Variants in WASF2 observed in about 807,000 individuals in gnomAD.
The protein encoded by WASF2 is WASP family member 2.
WASF2 carries 14 observed loss-of-function variants against 45.0 expected under a neutral mutation model. That is an observed-to-expected ratio of 0.31 (90% CI 0.21 to 0.49). The LOEUF is 0.49. Ranked by LOEUF, WASF2 falls within the 20% of genes least tolerant of loss-of-function variation. The probability of loss-of-function intolerance (pLI) is 0.99; values close to 1 mark genes in which losing one functional copy is unlikely to be tolerated. For missense variants in WASF2, 439 were observed against 636.1 expected (o/e 0.69, Z 3.33); for synonymous variants, 200 against 236.3 (o/e 0.85, Z 1.41).
chr1:27,466,127 A>G (rs1418066449), intron 1 of WASF2, among the ~76,000 whole-genome samples: 1 of 152,200 alleles, frequency 6.6e-6, no homozygotes, highest in African/African-American at 2.4e-5. Context: ...AAAACTAGTA[A>G]ATGAAAGAAT....
chr1:27,489,648 T>A (rs957838824), intron 1 of WASF2, among the ~76,000 whole-genome samples: 4 of 152,202 alleles, frequency 2.6e-5, no homozygotes, highest in African/African-American at 7.2e-5. Flanking sequence ...ACCCTCGTTT[T>A]ACACAGGGGG....
intron 1 of WASF2, among the ~76,000 whole-genome samples, chr1:27,478,362 G>A (rs185423816): frequency 1.7e-4 from 25 of 149,984 alleles, no homozygotes; most frequent in African/African-American, 5.4e-4. Flanking sequence ...ATGCATCAAA[G>A]GACTTGGGTT....
chr1:27,439,643 A>G (rs1281717722), intron 1 of WASF2, among the ~76,000 whole-genome samples: 2 of 152,218 alleles, frequency 1.3e-5, no homozygotes, highest in Admixed American at 6.5e-5. Context: ...AATTATGACA[A>G]TAGAAAGGAT....
At chr1:27,460,737 T>C (rs2017532727) in intron 1 of WASF2, among the ~76,000 whole-genome samples, 1 of 152,212 alleles carries the variant, frequency 6.6e-6, no homozygotes, top group Non-Finnish European at 1.5e-5. Context: ...TATCTAACAC[T>C]GTGAATAGAG....
chr1:27,410,638 C>G lies in WASF2; in HGVS notation c.825-432G>C, dbSNP rs1417522910. Among the ~76,000 whole-genome samples, 1 of 152,174 alleles carries G rather than the reference C, an allele frequency of 6.6e-6. No homozygotes were observed. The highest frequency in any genetic ancestry group is 1.9e-4 in the East Asian group (1 of 5,200). On this transcript the variant is annotated intron_variant, in intron 7 of 8. Coordinates refer to ENST00000618852, the MANE Select transcript of WASF2 (RefSeq NM_006990.5). The surrounding 1 kb of genome is among the most constrained non-coding windows in gnomAD (Gnocchi z 4.2). ...GCAAGAAAGAACTGGAATAAAAATT[C>G]AAACACCACCCACACACTAGGCTCT...
chr1:27,482,849 C>T (rs549424381), intron 1 of WASF2, among the ~76,000 whole-genome samples: 69 of 152,226 alleles, frequency 4.5e-4, no homozygotes, highest in African/African-American at 1.7e-3. Context: ...CCACTCCTAC[C>T]CCTATTGATA....
chr1:27,462,343 A>G (rs1385663655), intron 1 of WASF2, among the ~76,000 whole-genome samples: 1 of 152,146 alleles, frequency 6.6e-6, no homozygotes. Flanking sequence ...AAATACTTCA[A>G]TGGGTTATTT....
At chr1:27,441,858 G>A (rs921627805) in intron 1 of WASF2, among the ~76,000 whole-genome samples, 53 of 151,204 alleles carry the variant, frequency 3.5e-4, no homozygotes, top group Admixed American at 7.9e-4. Context: ...TCTGGGAGGC[G>A]GAGGTTGCAG....
intron 1 of WASF2, among the ~76,000 whole-genome samples, chr1:27,477,128 G>A (rs552121417): frequency 6.6e-6 from 1 of 152,324 alleles, no homozygotes; most frequent in South Asian, 2.1e-4. Flanking sequence ...ACCTAGAATA[G>A]AATGTGTAGT....
chr1:27,436,925 C>T (rs376507248), intron 1 of WASF2, among the ~76,000 whole-genome samples: 2 of 152,316 alleles, frequency 1.3e-5, no homozygotes, highest in East Asian at 3.9e-4. Flanking sequence ...AGGAATGACA[C>T]ACCAATTTTG....
At chr1:27,478,319 A>T (rs1234057279) in intron 1 of WASF2, among the ~76,000 whole-genome samples, 1 of 151,934 alleles carries the variant, frequency 6.6e-6, no homozygotes, top group Non-Finnish European at 1.5e-5. Context: ...TAAGCAAATT[A>T]GTAGCTGTGG....
At chr1:27,455,291 A>G (rs1349720324) in intron 1 of WASF2, among the ~76,000 whole-genome samples, 7 of 152,110 alleles carry the variant, frequency 4.6e-5, no homozygotes, top group Non-Finnish European at 1.0e-4. Flanking sequence ...TCTCTCCATG[A>G]AAGTCTGGAA....
rs1287698055 is a variant in WASF2 at position 27,406,274 on chromosome 1, G to A, written c.*1915C>T. 2.0e-5 allele frequency: 3 copies of A among 152,548 alleles called. No homozygotes were observed. Among genetic ancestry groups the A allele is most frequent in the African/African-American group, 7.2e-5 (3 of 41,456 alleles). The allele number at this position is 152,548 out of a possible 1,614,324, so 9.4% of individuals were successfully genotyped here. On this transcript the variant is annotated 3_prime_UTR_variant, in exon 9 of 9. Coordinates refer to ENST00000618852, the MANE Select transcript of WASF2 (RefSeq NM_006990.5). ...GCCTGGTGTCTCAGCATGGAGCTTAGTGCCAAGTCCTGTGCCAGAGACACC... is the reference window on the plus strand; with the variant it reads ...GCCTGGTGTCTCAGCATGGAGCTTAATGCCAAGTCCTGTGCCAGAGACACC...
intron 1 of WASF2, among the ~76,000 whole-genome samples, chr1:27,473,625 A>C (rs888316052): frequency 6.6e-6 from 1 of 152,164 alleles, no homozygotes; most frequent in South Asian, 2.1e-4. Flanking sequence ...ATGTATAACA[A>C]AACCAATTTT....
intron 1 of WASF2, among the ~76,000 whole-genome samples, chr1:27,463,640 A>G (rs941535589): frequency 1.3e-5 from 2 of 150,450 alleles, no homozygotes; most frequent in Non-Finnish European, 3.0e-5. Flanking sequence ...AAAAAAAAAA[A>G]AAAAACTATG....
chr1:27,426,765 C>T (rs2016987087), intron 2 of WASF2, among the ~76,000 whole-genome samples: 1 of 152,144 alleles, frequency 6.6e-6, no homozygotes, highest in Non-Finnish European at 1.5e-5. Context: ...ACCCTTCAGC[C>T]TCCCAAAGTG....
intron 1 of WASF2, among the ~76,000 whole-genome samples, chr1:27,469,922 C>A (rs989376390): frequency 6.6e-6 from 1 of 151,382 alleles, no homozygotes; most frequent in South Asian, 2.1e-4. Context: ...CCAGAGTGGG[C>A]GACAGAATGA....
Position 27,405,599 on chromosome 1 carries a change from C to CTTTTTTTTTTTT in WASF2, c.*2578_*2589dup, listed in dbSNP as rs769753375. The stretch of plus-strand genomic sequence containing the variant: ...TAAAGGGCTCTGGGTCTAAAGAAGC[C>CTTTTTTTTTTTT]TTTTTTTTTTTTTTTTTTTTTTTTT... On this transcript the variant is annotated 3_prime_UTR_variant, in exon 9 of 9. Coordinates refer to ENST00000618852, the MANE Select transcript of WASF2 (RefSeq NM_006990.5). 3.7e-4 allele frequency: 21 copies of CTTTTTTTTTTTT among 56,644 alleles called. 2 individuals are homozygous for CTTTTTTTTTTTT. The highest frequency in any genetic ancestry group is 1.7e-3 in the East Asian group (3 of 1,722). 3.5% of individuals were successfully genotyped at this position (56,644 alleles called of 1,614,324 possible). A position where few individuals can be genotyped will look rare whatever the true frequency, so the allele number is the denominator to read the frequency against.
chr1:27,441,110 T>C (rs140760949), intron 1 of WASF2, among the ~76,000 whole-genome samples: 6,308 of 152,052 alleles, frequency 0.041, 173 homozygotes, highest in Non-Finnish European at 0.059. Flanking sequence ...TCAAGCGATC[T>C]GCCCGCCTCA....
Sources: allele counts gnomAD v4.1 joint callset (sites outside exome capture counted in the v4.1 genomes callset), GRCh38; gene constraint gnomAD v4.1.1; non-coding constraint Gnocchi (gnomAD v3.1); transcripts MANE v1.5; gene names NCBI Gene and HGNC (gene_info 2026-07-23, HGNC 2026-07-21).